Variants in NFIC observed in about 807,000 individuals in gnomAD.
NFIC encodes the protein nuclear factor I C.
Under a neutral mutation model 54.4 loss-of-function variants are expected in NFIC, and 12 were observed. The observed-to-expected ratio is 0.22, with a 90% confidence interval of 0.14 to 0.36. The LOEUF is 0.36. Ranked by LOEUF, NFIC falls within the 10% of genes least tolerant of loss-of-function variation. The pLI is 1.00. For synonymous variants in NFIC, 322 were observed against 319.2 expected, an observed-to-expected ratio of 1.01 and a Z score of -0.09; for missense variants, 575 against 718.2, an observed-to-expected ratio of 0.80 and a Z score of 2.28.
intron 1 of NFIC, among the ~76,000 whole-genome samples, chr19:3,380,628 CTTTTTTT>C (rs1159916071): frequency 3.1e-5 from 3 of 96,118 alleles, no homozygotes; most frequent in African/African-American, 4.1e-5. Context: ...TGCGCCCAGG[CTTTTTTT>C]TTTTTTTTTT....
At chr19:3,391,189 GCAATGAGCTATGAT>G (rs2081371760) in intron 2 of NFIC, among the ~76,000 whole-genome samples, 1 of 151,986 alleles carries the variant, frequency 6.6e-6, no homozygotes, top group Admixed American at 6.6e-5. Flanking sequence ...GTTTGAGGCT[GCAATGAGCTATGAT>G]CACACCACTG....
intron 3 of NFIC, among the ~76,000 whole-genome samples, chr19:3,430,559 C>T (rs1023795777): frequency 1.3e-5 from 2 of 151,924 alleles, no homozygotes; most frequent in African/African-American, 2.4e-5. Flanking sequence ...TAAAAGAAAC[C>T]CCATCCCCAT....
chr19:3,409,464 A>G (rs942877106), intron 2 of NFIC, among the ~76,000 whole-genome samples: 2 of 152,148 alleles, frequency 1.3e-5, no homozygotes, highest in African/African-American at 4.8e-5. Flanking sequence ...TCCTCCATGC[A>G]CTGGTTCTGC....
In NFIC at chr19:3,464,117, AC is replaced by A. The variant is rs1409613296; in HGVS notation, c.*1354del. ...TGCCAGTGCCTTACATTCTGGAGCG[AC>A]CCCCCTCCCTGGTGCCTCCCAGCGA... On this transcript the variant is annotated 3_prime_UTR_variant, in exon 11 of 11. Coordinates refer to ENST00000443272, the MANE Select transcript of NFIC (RefSeq NM_001245002.2). 12 of 983,568 alleles carry A rather than the reference AC, an allele frequency of 1.2e-5. No individual in the cohort carries two copies. Among genetic ancestry groups the A allele is most frequent in the Non-Finnish European group, 1.3e-5 (11 of 829,384 alleles). The allele number at this position is 983,568 out of a possible 1,614,324, so 60.9% of individuals were successfully genotyped here.
In NFIC at chr19:3,459,043, C is replaced by G. The variant is rs913275995; in HGVS notation, c.1509+2408C>G. 2.3e-4 allele frequency among the ~76,000 whole-genome samples: 35 copies of G among 152,046 alleles called. No homozygotes were observed. The highest frequency in any genetic ancestry group is 8.0e-4 in the African/African-American group (33 of 41,380). On this transcript the variant is annotated intron_variant, in intron 10 of 10. Coordinates refer to ENST00000443272, the MANE Select transcript of NFIC (RefSeq NM_001245002.2). This position sits in a 1 kb window ranked among gnomAD's most constrained non-coding sequence, Gnocchi z 4.2. ...AGAGGGAGGGAAGAAGCAGTGAGAT[C>G]CCGCTCTCCCCTCTCCCAGCTCCCG... is the stretch of plus-strand genomic sequence containing the variant.
At position 3,429,251 on chromosome 19, in the gene NFIC, TATAC is replaced by T. The variant is rs1223356078; in HGVS notation, c.634+4076_634+4079del. Reference sequence around the variant, plus strand: ...TACCCCAAAAAAAAAAAAAAAAATATATACACACACACACACACACACACACACA... The same window carrying T: ...TACCCCAAAAAAAAAAAAAAAAATATACACACACACACACACACACACACA... On this transcript the variant is annotated intron_variant, in intron 3 of 10. Coordinates refer to ENST00000443272, the MANE Select transcript of NFIC (RefSeq NM_001245002.2). 2.9e-3 allele frequency among the ~76,000 whole-genome samples: 80 copies of T among 27,582 alleles called. 11 individuals carry two copies. The highest frequency in any genetic ancestry group is 0.02 in the East Asian group (12 of 590). 18.1% of individuals were successfully genotyped at this position (27,582 alleles called of 152,430 possible).
chr19:3,413,579 T>C (rs915500776), intron 2 of NFIC, among the ~76,000 whole-genome samples: 1 of 152,042 alleles, frequency 6.6e-6, no homozygotes, highest in African/African-American at 2.4e-5. Flanking sequence ...TTACAAAGAT[T>C]TGTGAGGCAA....
chr19:3,449,689 G>A (rs1316664715), intron 7 of NFIC, among the ~76,000 whole-genome samples: 1 of 150,828 alleles, frequency 6.6e-6, no homozygotes, highest in Non-Finnish European at 1.5e-5. Flanking sequence ...GAACCCGGGA[G>A]GTAGAAGTTG....
upstream of NFIC, among the ~76,000 whole-genome samples, chr19:3,363,240 T>TGTGTGC (rs1352352284): frequency 0.013 from 732 of 54,276 alleles, 34 homozygotes; most frequent in African/African-American, 0.019. Context: ...TGTATGTGTG[T>TGTGTGC]GTATATATAT....
intron 3 of NFIC, among the ~76,000 whole-genome samples, chr19:3,432,308 G>A (rs532144824): frequency 5.9e-5 from 9 of 152,238 alleles, no homozygotes; most frequent in Non-Finnish European, 1.3e-4. Context: ...GCGGCTTGTG[G>A]GCCTCCCATT....
chr19:3,411,194 A>T lies in NFIC; in HGVS notation c.563-13912A>T, dbSNP rs571493454. The stretch of plus-strand genomic sequence containing the variant: ...CCACAGCCAGGTAACTTTTTTTTTT[A>T]AAGTAGAGATGGGGTGGGGTATCCT... On this transcript the variant is annotated intron_variant, in intron 2 of 10. Coordinates refer to ENST00000443272, the MANE Select transcript of NFIC (RefSeq NM_001245002.2). 230 of 151,394 alleles carry T rather than the reference A, an allele frequency of 1.5e-3. 1 individual carries two copies. Among genetic ancestry groups the T allele is most frequent in the African/African-American group, 5.4e-3 (221 of 41,232 alleles). The allele number at this position is 151,394 out of a possible 1,614,324, so 9.4% of individuals were successfully genotyped here.
intron 2 of NFIC, among the ~76,000 whole-genome samples, chr19:3,402,443 T>A (rs1032357302): frequency 1.3e-5 from 2 of 152,186 alleles, no homozygotes; most frequent in African/African-American, 2.4e-5. Context: ...CCTCTCAACT[T>A]TCTTTCTACA....
chr19:3,365,916 C>T (rs933642345), upstream of NFIC, among the ~76,000 whole-genome samples: 1 of 152,208 alleles, frequency 6.6e-6, no homozygotes, highest in Non-Finnish European at 1.5e-5. Flanking sequence ...CTGCCTGGCT[C>T]TGGGGGGAGA....
In NFIC at chr19:3,369,979, C is replaced by T. The variant is rs968579606; in HGVS notation, c.30+3313C>T. ...AACCGAGGCTGGGAGAGGCTGTCCT[C>T]CCACCCCAGACCCCCGACCTTTGTT... On this transcript the variant is annotated intron_variant, in intron 1 of 10. Coordinates refer to ENST00000443272, the MANE Select transcript of NFIC (RefSeq NM_001245002.2). The surrounding 1 kb of genome is among the most constrained non-coding windows in gnomAD (Gnocchi z 4.3). Among the ~76,000 whole-genome samples the T allele has an allele frequency of 1.3e-5, 2 of 152,188 alleles. No individual in the cohort carries two copies. Among genetic ancestry groups the T allele is most frequent in the Non-Finnish European group, 2.9e-5 (2 of 68,026 alleles).
intron 2 of NFIC, among the ~76,000 whole-genome samples, chr19:3,396,754 G>A (rs1310301813): frequency 2.6e-5 from 4 of 152,332 alleles, no homozygotes; most frequent in Non-Finnish European, 4.4e-5. Flanking sequence ...TCAGGAGTTC[G>A]AGACCAGTCT....
intron 2 of NFIC, among the ~76,000 whole-genome samples, chr19:3,399,267 A>T (rs1371748589): frequency 2.0e-5 from 3 of 152,216 alleles, no homozygotes; most frequent in Non-Finnish European, 4.4e-5. Flanking sequence ...AGGGAGAGTC[A>T]ATAAGACATA....
chr19:3,465,053 C>CT lies in NFIC; in HGVS notation c.*2285dup, dbSNP rs2082698308. ...TTAGTCAAGGACTCCTGCGACCTGG[C>CT]TCCCGAGGTCAGCTGGCGGCGCTGA... is the stretch of plus-strand genomic sequence containing the variant. On this transcript the variant is annotated 3_prime_UTR_variant, in exon 11 of 11. Transcript: ENST00000443272. 6.6e-6 allele frequency: 1 copy of CT among 150,906 alleles called. No individual in the cohort carries two copies. The highest frequency in any genetic ancestry group is 6.6e-5 in the Admixed American group (1 of 15,142). The allele number at this position is 150,906 out of a possible 1,614,324, so 9.3% of individuals were successfully genotyped here. A position where few individuals can be genotyped will look rare whatever the true frequency, so the allele number is the denominator to read the frequency against.
At chr19:3,368,437 G>C (rs540900066) in intron 1 of NFIC, among the ~76,000 whole-genome samples, 1 of 152,220 alleles carries the variant, frequency 6.6e-6, no homozygotes, top group Non-Finnish European at 1.5e-5. Flanking sequence ...GGACCAGCCA[G>C]GAGGGCTGTC....
intron 9 of NFIC, among the ~76,000 whole-genome samples, chr19:3,456,057 A>C (rs1352066289): frequency 6.6e-6 from 1 of 152,182 alleles, no homozygotes; most frequent in Non-Finnish European, 1.5e-5. Context: ...TCACACGCCG[A>C]CAAAATATAA....
Sources: gnomAD v4.1 joint callset for allele counts (sites outside exome capture counted in the v4.1 genomes callset) on GRCh38, gnomAD v4.1.1 for gene constraint, Gnocchi (gnomAD v3.1) non-coding constraint, MANE v1.5 for transcripts, NCBI Gene and HGNC (gene_info 2026-07-23, HGNC 2026-07-21) for gene names.